The following ARID1B variants were observed in gnomAD, a reference collection of about 807,000 sequenced individuals.
ARID1B encodes the protein AT-rich interaction domain 1B.
Under a neutral mutation model 212.3 loss-of-function variants are expected in ARID1B, and 30 were observed. The ratio of observed to expected loss-of-function variants is 0.14; its 90% CI spans 0.11 to 0.19. ARID1B has a LOEUF of 0.19. ARID1B is among the 10% of genes least tolerant of loss of function. ARID1B has a pLI of 1.00. For synonymous variants in ARID1B, 1,402 were observed against 1,301.7 expected, an observed-to-expected ratio of 1.08 and a Z score of -1.66; for missense variants, 2,891 against 3,204.0, an observed-to-expected ratio of 0.90 and a Z score of 2.36.
chr6:156,982,736 C>T (rs1432572605), intron 4 of ARID1B, among the ~76,000 whole-genome samples: 2 of 152,000 alleles, frequency 1.3e-5, no homozygotes, highest in African/African-American at 4.8e-5. Context: ...ATACATAGTT[C>T]CTTTTTTAAT....
In ARID1B at chr6:157,190,316, G is replaced by A; in HGVS notation, c.4231+106G>A. 1 of 1,334,132 alleles carries A rather than the reference G, an allele frequency of 7.5e-7. No homozygotes were observed. Among genetic ancestry groups the A allele is most frequent in the Non-Finnish European group, 1.0e-6 (1 of 999,400 alleles). 82.6% of individuals were successfully genotyped at this position (1,334,132 alleles called of 1,614,324 possible). A position where few individuals can be genotyped will look rare whatever the true frequency, so the allele number is the denominator to read the frequency against. On this transcript the variant is annotated intron_variant, in intron 15 of 19. Coordinates refer to ENST00000636930, the MANE Select transcript of ARID1B (RefSeq NM_001374828.1). The surrounding 1 kb of genome is among the most constrained non-coding windows in gnomAD (Gnocchi z 4.6). ...CTCAGAACACCTCTGAGCCCATGCTGCATCGGTGTGGGTCCCAGGTCCCCA... is the reference window on the plus strand; with the variant it reads ...CTCAGAACACCTCTGAGCCCATGCTACATCGGTGTGGGTCCCAGGTCCCCA...
intron 5 of ARID1B, among the ~76,000 whole-genome samples, chr6:157,098,699 G>T: frequency 6.6e-6 from 1 of 152,168 alleles, no homozygotes; most frequent in South Asian, 2.1e-4. Context: ...TTTCCTTAAA[G>T]TTCCATCTTT....
chr6:156,987,436 T>C (rs1467707667), intron 4 of ARID1B, among the ~76,000 whole-genome samples: 1 of 151,874 alleles, frequency 6.6e-6, no homozygotes, highest in African/African-American at 2.4e-5. Context: ...GTTCGCGCCA[T>C]TCTCCTGGCT....
At chr6:156,834,849 A>G (rs1386850550) in intron 2 of ARID1B, among the ~76,000 whole-genome samples, 1 of 152,242 alleles carries the variant, frequency 6.6e-6, no homozygotes, top group East Asian at 1.9e-4. Context: ...CCAGCAAAAT[A>G]CATTTATACC....
In ARID1B at chr6:156,881,964, A is replaced by G. The variant is rs193220640; in HGVS notation, c.1987-19412A>G. On this transcript the variant is annotated intron_variant, in intron 2 of 19. Coordinates refer to ENST00000636930, the MANE Select transcript of ARID1B (RefSeq NM_001374828.1). ...GTAACATACATACTTCTGCTTTAAAATAAAATGTACTAATTTATTTCAGAG... is the reference window on the plus strand; with the variant it reads ...GTAACATACATACTTCTGCTTTAAAGTAAAATGTACTAATTTATTTCAGAG... 4.0e-4 allele frequency among the ~76,000 whole-genome samples: 61 copies of G among 152,354 alleles called. 1 individual carries two copies. The highest frequency in any genetic ancestry group is 3.4e-3 in the Middle Eastern group (1 of 294).
chr6:157,125,923 A>G (rs569935084), intron 6 of ARID1B, among the ~76,000 whole-genome samples: 1 of 152,298 alleles, frequency 6.6e-6, no homozygotes, highest in African/African-American at 2.4e-5. Flanking sequence ...ATTTTTCCCT[A>G]TTGATAGGCT....
chr6:156,880,507 G>A (rs1001934553), intron 2 of ARID1B, among the ~76,000 whole-genome samples: 9 of 152,128 alleles, frequency 5.9e-5, no homozygotes, highest in Non-Finnish European at 1.3e-4. Context: ...GGAGGCCGAG[G>A]CTGGCAGATT....
chr6:157,115,195 A>G (rs1787243988), intron 6 of ARID1B, among the ~76,000 whole-genome samples: 1 of 152,192 alleles, frequency 6.6e-6, no homozygotes, highest in African/African-American at 2.4e-5. Context: ...CCATTTCCCC[A>G]CATTGTACAC....
At chr6:157,151,956 G>T (rs755444862) in intron 8 of ARID1B, 2 of 152,212 alleles carry the variant, frequency 1.3e-5, no homozygotes, top group Non-Finnish European at 1.5e-5. Context: ...GGCCCTAAAT[G>T]TGGACCAACA....
chr6:156,838,112 A>G (rs1234545406), intron 2 of ARID1B, among the ~76,000 whole-genome samples: 1 of 152,206 alleles, frequency 6.6e-6, no homozygotes, highest in Non-Finnish European at 1.5e-5. Flanking sequence ...TGACTTGGTA[A>G]GAGCATGCTT....
rs1473637962 is a variant in ARID1B at position 157,106,642 on chromosome 6, T to C, written c.2492-3830T>C. Among the ~76,000 whole-genome samples the C allele has an allele frequency of 2.0e-5, 3 of 152,200 alleles. No individual in the cohort carries two copies. The East Asian group carries it at 5.8e-4, about 29-fold the overall frequency. ...ATTATATCTGCAAAATCCTTTCACA[T>C]TTGCCATCTGACATAGTTGCAGGAG... On this transcript the variant is annotated intron_variant, in intron 5 of 19. Coordinates refer to ENST00000636930, the MANE Select transcript of ARID1B (RefSeq NM_001374828.1).
At chr6:157,091,392 G>A (rs1270990812) in intron 5 of ARID1B, among the ~76,000 whole-genome samples, 1 of 152,186 alleles carries the variant, frequency 6.6e-6, no homozygotes, top group Non-Finnish European at 1.5e-5. Context: ...TTCAGCAAGT[G>A]AGAGCTAAGT....
rs1038234285 is a variant in ARID1B at position 156,829,271 on chromosome 6, T to C, written c.1836T>C (p.Tyr612=). The C allele has an allele frequency of 2.5e-6, 4 of 1,614,242 alleles. No homozygotes were observed. In the African/African-American group the frequency reaches 5.3e-5, roughly 22 times the overall value. Residue 612 remains tyrosine, a synonymous_variant, in exon 2 of 20, where the codon TAT becomes TAC. Coordinates refer to ENST00000636930, the MANE Select transcript of ARID1B (RefSeq NM_001374828.1). The part of the protein sequence containing the change: ...DPMVMKRPQL[Y]GMGSNPHSQP... ...TGGTGATGAAGAGACCTCAGTTGTA[T>C]GGCATGGGCAGTAACCCTCATTCTC...
At chr6:157,195,297 G>A (rs1388804251) in intron 15 of ARID1B, 4 of 152,212 alleles carry the variant, frequency 2.6e-5, no homozygotes, top group African/African-American at 9.7e-5. Context: ...GTTTATTTAA[G>A]TCATTGGCAG....
intron 8 of ARID1B, among the ~76,000 whole-genome samples, chr6:157,161,412 C>G (rs1308229624): frequency 7.1e-6 from 1 of 141,066 alleles, no homozygotes; most frequent in Non-Finnish European, 1.5e-5. Context: ...GTCTTATTTT[C>G]TGTTTTGATT....
At chr6:157,104,647 C>T (rs1321095660) in intron 5 of ARID1B, among the ~76,000 whole-genome samples, 1 of 152,180 alleles carries the variant, frequency 6.6e-6, no homozygotes, top group Non-Finnish European at 1.5e-5. Context: ...ATCCCATTTA[C>T]AGTAGCAACA....
At chr6:157,196,004 TGAGCCAA>T (rs1299103253) in intron 15 of ARID1B, 154 bp from the exon 16 acceptor site, 1 of 803,650 alleles carries the variant, frequency 1.2e-6, no homozygotes, top group Non-Finnish European at 1.9e-6. Context: ...GAGGTTGCAG[TGAGCCAA>T]GATCACACCA....
intron 11 of ARID1B, among the ~76,000 whole-genome samples, chr6:157,178,712 G>A (rs1397487967): frequency 6.9e-6 from 1 of 145,250 alleles, no homozygotes; most frequent in African/African-American, 2.8e-5. Context: ...ATAGGCACAA[G>A]TTAATTAAAC....
chr6:157,136,719 G>T (rs769634190), intron 7 of ARID1B, among the ~76,000 whole-genome samples: 1 of 151,704 alleles, frequency 6.6e-6, no homozygotes, highest in East Asian at 1.9e-4. Context: ...AAACTTAGCC[G>T]GGTGCGGTGG....
Sources: allele counts gnomAD v4.1 joint callset (sites outside exome capture counted in the v4.1 genomes callset), GRCh38; gene constraint gnomAD v4.1.1; non-coding constraint Gnocchi (gnomAD v3.1); transcripts MANE v1.5; gene names NCBI Gene and HGNC (gene_info 2026-07-23, HGNC 2026-07-21).